The following MPPED2 variants were observed in gnomAD, a reference collection of about 807,000 sequenced individuals.
MPPED2 encodes the protein metallophosphoesterase MPPED2.
In MPPED2, 5 loss-of-function variants were observed where a neutral mutation model predicts 33.0. That is an observed-to-expected ratio of 0.15 (90% CI 0.08 to 0.32). The LOEUF (loss-of-function observed/expected upper bound fraction) is 0.32, where lower values mean the gene tolerates loss of function less well. MPPED2 is among the 10% of genes least tolerant of loss of function. The probability of loss-of-function intolerance (pLI) is 1.00; values close to 1 mark genes in which losing one functional copy is unlikely to be tolerated. For synonymous variants in MPPED2, 136 were observed against 141.9 expected, an observed-to-expected ratio of 0.96 and a Z score of 0.29; for missense variants, 275 against 372.1, an observed-to-expected ratio of 0.74 and a Z score of 2.15.
intron 4 of MPPED2, among the ~76,000 whole-genome samples, chr11:30,450,360 G>A (rs1950004603): frequency 6.6e-6 from 1 of 152,182 alleles, no homozygotes; most frequent in South Asian, 2.1e-4. Flanking sequence ...AGTAAAAATA[G>A]ACATTGTGTA....
intron 2 of MPPED2, among the ~76,000 whole-genome samples, chr11:30,570,863 G>C (rs1190223494): frequency 6.6e-6 from 1 of 152,064 alleles, no homozygotes; most frequent in African/African-American, 2.4e-5. Context: ...TAGCCAATCA[G>C]TATAAATGCC....
chr11:30,480,056 T>C (rs1449066431), intron 4 of MPPED2, among the ~76,000 whole-genome samples: 1 of 152,132 alleles, frequency 6.6e-6, no homozygotes. Context: ...TGGTGTAATG[T>C]TGGTGTTTAG....
intron 4 of MPPED2, among the ~76,000 whole-genome samples, chr11:30,435,738 C>T (rs1041557157): frequency 3.3e-5 from 5 of 152,168 alleles, no homozygotes; most frequent in African/African-American, 1.2e-4. Context: ...CCAGCTCTGC[C>T]TCTACCAACC....
intron 4 of MPPED2, among the ~76,000 whole-genome samples, chr11:30,474,769 G>A (rs1056532675): frequency 1.3e-5 from 2 of 152,096 alleles, no homozygotes; most frequent in African/African-American, 4.8e-5. Flanking sequence ...GCTATTCTCG[G>A]TGTTGGTCAT....
intron 3 of MPPED2, among the ~76,000 whole-genome samples, 186 bp downstream of exon 3, chr11:30,535,808 C>A (rs1010893080): frequency 1.3e-5 from 2 of 152,080 alleles, no homozygotes; most frequent in Non-Finnish European, 1.5e-5. Context: ...AAAGGATGCA[C>A]AGTAAAATTA....
chr11:30,510,801 A>G (rs1157202074), intron 3 of MPPED2, among the ~76,000 whole-genome samples: 1 of 152,220 alleles, frequency 6.6e-6, no homozygotes, highest in Non-Finnish European at 1.5e-5. Context: ...GTATTTTTGC[A>G]GGGCTTAACT....
downstream of MPPED2, chr11:30,384,417 T>A (rs1305678363): frequency 6.6e-6 from 1 of 152,184 alleles, no homozygotes; most frequent in Non-Finnish European, 1.5e-5. Flanking sequence ...AGGATTTTTT[T>A]TAATTGCATT....
intron 4 of MPPED2, among the ~76,000 whole-genome samples, chr11:30,436,970 GCCGTGATGGCTGTCACCT>G (rs1949354287): frequency 6.6e-6 from 1 of 152,230 alleles, no homozygotes; most frequent in South Asian, 2.1e-4. Context: ...GTTGGTGAAT[GCCGTGATGGCTGTCACCT>G]CCCTGAAACT....
rs566518446 is a variant in MPPED2, at chr11:30,507,757, GT to G, written c.311-12237del. Among the ~76,000 whole-genome samples, 280 of 152,228 alleles carry G rather than the reference GT, an allele frequency of 1.8e-3. 2 individuals are homozygous for G. Among genetic ancestry groups the G allele is most frequent in the Non-Finnish European group, 3.5e-3 (235 of 68,010 alleles). On this transcript the variant is annotated intron_variant, in intron 3 of 6. Coordinates refer to ENST00000358117, the MANE Select transcript of MPPED2 (RefSeq NM_001584.3). ...AATCATGAAGTCTCCTTTGGATAAT[GT>G]TTTGGTTCCACTGGAACACATTTCC... is the stretch of plus-strand genomic sequence containing the variant.
intron 4 of MPPED2, among the ~76,000 whole-genome samples, chr11:30,452,930 G>A (rs181000427): frequency 6.6e-6 from 1 of 152,204 alleles, no homozygotes; most frequent in Admixed American, 6.5e-5. Flanking sequence ...TGGAGACATT[G>A]CAGAAAGGGC....
chr11:30,518,271 C>G (rs1953651418), intron 3 of MPPED2, among the ~76,000 whole-genome samples: 1 of 152,236 alleles, frequency 6.6e-6, no homozygotes. Flanking sequence ...CTCTAATAGT[C>G]ACCTGTGCTC....
chr11:30,507,319 T>G (rs957496454), intron 3 of MPPED2, among the ~76,000 whole-genome samples: 1 of 152,246 alleles, frequency 6.6e-6, no homozygotes, highest in Non-Finnish European at 1.5e-5. Context: ...CACAGTTCTA[T>G]TCTCCTTTCT....
At chr11:30,582,752 C>T (rs1957226565) in intron 1 of MPPED2, among the ~76,000 whole-genome samples, 1 of 152,200 alleles carries the variant, frequency 6.6e-6, no homozygotes, top group African/African-American at 2.4e-5. Flanking sequence ...CTAATGTCAA[C>T]CTTCTCTATC....
At chr11:30,471,977 G>T (rs563296175) in intron 4 of MPPED2, among the ~76,000 whole-genome samples, 8 of 151,672 alleles carry the variant, frequency 5.3e-5, no homozygotes, top group African/African-American at 1.9e-4. Context: ...TTTCAGGGTT[G>T]CTAAAGTCAA....
Position 30,521,334 on chromosome 11 carries a change from C to G in MPPED2, c.310+14660G>C, listed in dbSNP as rs186412835. ...TGGAACTGAATCATCCCCACCAGCC[C>G]CATTTAGGCTAAATTACGAAAGCTT... On this transcript the variant is annotated intron_variant, in intron 3 of 6. Coordinates refer to ENST00000358117, the MANE Select transcript of MPPED2 (RefSeq NM_001584.3). Among the ~76,000 whole-genome samples the G allele has an allele frequency of 3.5e-3, 526 of 152,252 alleles. 3 individuals are homozygous for G. Among genetic ancestry groups the G allele is most frequent in the Middle Eastern group, 0.01 (3 of 294 alleles).
chr11:30,583,735 C>T (rs1293930586), intron 1 of MPPED2, among the ~76,000 whole-genome samples: 2 of 152,176 alleles, frequency 1.3e-5, no homozygotes, highest in African/African-American at 4.8e-5. Context: ...TTTACCAAAA[C>T]TTTCAAAGCA....
chr11:30,461,537 G>A (rs527371198), intron 4 of MPPED2, among the ~76,000 whole-genome samples: 9 of 152,126 alleles, frequency 5.9e-5, no homozygotes, highest in African/African-American at 1.7e-4. Flanking sequence ...AAAGCACTCC[G>A]TAGCTGCTGT....
intron 4 of MPPED2, among the ~76,000 whole-genome samples, chr11:30,426,504 A>G (rs1289680266): frequency 6.6e-6 from 1 of 152,186 alleles, no homozygotes; most frequent in Non-Finnish European, 1.5e-5. Context: ...GTGCACAGTT[A>G]CTGGATTGAA....
chr11:30,557,311 T>C (rs1034168503), intron 2 of MPPED2, among the ~76,000 whole-genome samples: 1 of 150,958 alleles, frequency 6.6e-6, no homozygotes, highest in Non-Finnish European at 1.5e-5. Flanking sequence ...CTATCTTAAC[T>C]GGAGATATCA....
Sources: gnomAD v4.1 joint callset for allele counts (sites outside exome capture counted in the v4.1 genomes callset) on GRCh38, gnomAD v4.1.1 for gene constraint, MANE v1.5 for transcripts, NCBI Gene and HGNC (gene_info 2026-07-23, HGNC 2026-07-21) for gene names.